The following SCFD2 variants were observed in gnomAD, a reference collection of about 807,000 sequenced individuals.
SCFD2 encodes sec1 family domain-containing protein 2.
In SCFD2, 54 loss-of-function variants were observed where a neutral mutation model predicts 58.9. The ratio of observed to expected loss-of-function variants is 0.92; its 90% CI spans 0.74 to 1.15. The LOEUF (loss-of-function observed/expected upper bound fraction) is 1.15, where lower values mean the gene tolerates loss of function less well. SCFD2 is among the 50% of genes most tolerant of loss of function. The pLI, the probability that SCFD2 is intolerant of heterozygous loss-of-function variation, is 0.00. For synonymous variants in SCFD2, 321 were observed against 335.9 expected (o/e 0.96, Z 0.49); for missense variants, 805 against 836.6 (o/e 0.96, Z 0.47).
chr4:52,974,103 C>T (rs1033952995), intron 5 of SCFD2, among the ~76,000 whole-genome samples: 19 of 152,144 alleles, frequency 1.2e-4, no homozygotes, highest in Admixed American at 2.0e-4. Context: ...CCTTTGAAAA[C>T]GGGCACAAGA....
intron 5 of SCFD2, among the ~76,000 whole-genome samples, chr4:53,049,016 G>A (rs954820098): frequency 6.6e-6 from 1 of 152,150 alleles, no homozygotes; most frequent in East Asian, 1.9e-4. Context: ...TTTTCAGCTT[G>A]TGGAGTAAAT....
chr4:53,033,750 C>G (rs1256210035), intron 5 of SCFD2, among the ~76,000 whole-genome samples: 1 of 152,132 alleles, frequency 6.6e-6, no homozygotes, highest in East Asian at 1.9e-4. Flanking sequence ...ACACAACACC[C>G]TCCCAAGTCT....
intron 3 of SCFD2, among the ~76,000 whole-genome samples, chr4:53,284,118 CAAA>C (rs561985080): frequency 4.9e-5 from 4 of 82,196 alleles, no homozygotes; most frequent in East Asian, 6.5e-4. Context: ...GACTCCATCT[CAAA>C]AAAAAAAAAA....
chr4:53,178,900 G>C (rs1397849935), intron 4 of SCFD2, among the ~76,000 whole-genome samples: 2 of 152,198 alleles, frequency 1.3e-5, no homozygotes, highest in Non-Finnish European at 2.9e-5. Flanking sequence ...CAGGGTATCA[G>C]TGATGGAAGA....
chr4:53,336,048 A>G (rs560373120), intron 2 of SCFD2, among the ~76,000 whole-genome samples: 2 of 152,220 alleles, frequency 1.3e-5, no homozygotes, highest in Admixed American at 6.5e-5. Flanking sequence ...AAAATTCTAA[A>G]TAAGAGTAAA....
intron 5 of SCFD2, among the ~76,000 whole-genome samples, chr4:53,043,200 T>C (rs1187882849): frequency 6.6e-6 from 1 of 152,086 alleles, no homozygotes; most frequent in Admixed American, 6.6e-5. Context: ...CTGAAGGCAA[T>C]AGCAAATCAG....
chr4:52,906,376 T>A (rs1476615478), intron 7 of SCFD2, among the ~76,000 whole-genome samples: 1 of 152,236 alleles, frequency 6.6e-6, no homozygotes, highest in Non-Finnish European at 1.5e-5. Flanking sequence ...GGAAACCGTG[T>A]CTAGTCTGGA....
chr4:53,028,754 AG>A (rs1477318944), intron 5 of SCFD2, among the ~76,000 whole-genome samples: 1 of 152,180 alleles, frequency 6.6e-6, no homozygotes, highest in Non-Finnish European at 1.5e-5. Context: ...TTAAGTATAA[AG>A]GGGGAGTGAC....
intron 5 of SCFD2, among the ~76,000 whole-genome samples, chr4:52,923,739 T>A (rs539404219): frequency 1.3e-5 from 2 of 152,168 alleles, no homozygotes; most frequent in Non-Finnish European, 2.9e-5. Context: ...AAAGAGTTCA[T>A]AACCAAGGCA....
chr4:53,296,062 C>T (rs1432630313), intron 3 of SCFD2, among the ~76,000 whole-genome samples: 1 of 152,160 alleles, frequency 6.6e-6, no homozygotes, highest in Admixed American at 6.5e-5. Context: ...ACGATTTTCA[C>T]ATCAATGTTC....
intron 3 of SCFD2, among the ~76,000 whole-genome samples, chr4:53,302,845 T>A (rs944304674): frequency 1.3e-5 from 2 of 152,180 alleles, no homozygotes; most frequent in African/African-American, 4.8e-5. Flanking sequence ...AAACAAGCAA[T>A]GGGGAAAGGA....
At chr4:53,240,284 T>C (rs1319772786) in intron 4 of SCFD2, among the ~76,000 whole-genome samples, 1 of 152,236 alleles carries the variant, frequency 6.6e-6, no homozygotes, top group East Asian at 1.9e-4. Flanking sequence ...ACCATTATTT[T>C]ATGTGCTCCC....
At chr4:53,281,675 G>A (rs530127562) in intron 3 of SCFD2, among the ~76,000 whole-genome samples, 40 of 152,284 alleles carry the variant, frequency 2.6e-4, no homozygotes, top group African/African-American at 7.7e-4. Context: ...ATGCACTCAG[G>A]AAGATCACCG....
chr4:53,140,978 C>T lies in SCFD2; in HGVS notation c.1561+4355G>A, dbSNP rs529089727. Among the ~76,000 whole-genome samples, 209 of 152,126 alleles carry T rather than the reference C, an allele frequency of 1.4e-3. 2 individuals are homozygous for T. The highest frequency in any genetic ancestry group is 7.1e-3 in the Admixed American group (109 of 15,292). ...TAATGGAGGGTAGCCAATCATATAC[C>T]CAAAAGATACAGTCCTGAACTCCCT... is the stretch of plus-strand genomic sequence containing the variant. On this transcript the variant is annotated intron_variant, in intron 5 of 8. Coordinates refer to ENST00000401642, the MANE Select transcript of SCFD2 (RefSeq NM_152540.4).
At chr4:53,053,486 A>G (rs1190144852) in intron 5 of SCFD2, among the ~76,000 whole-genome samples, 1 of 152,172 alleles carries the variant, frequency 6.6e-6, no homozygotes, top group Non-Finnish European at 1.5e-5. Flanking sequence ...ATCACAGCCT[A>G]TAGGATAAGG....
At chr4:52,974,341 T>G (rs1721194250) in intron 5 of SCFD2, among the ~76,000 whole-genome samples, 1 of 152,176 alleles carries the variant, frequency 6.6e-6, no homozygotes, top group Non-Finnish European at 1.5e-5. Flanking sequence ...ACAAAATCAA[T>G]GTGCAAAAAT....
At chr4:53,010,350 T>C (rs12643705) in intron 5 of SCFD2, among the ~76,000 whole-genome samples, 52,961 of 152,196 alleles carry the variant, frequency 0.35, 10,315 homozygotes, top group Admixed American at 0.48. Flanking sequence ...TTCTTCAAGA[T>C]ACGACAAAAA....
At chr4:53,094,540 C>G (rs1724563298) in intron 5 of SCFD2, among the ~76,000 whole-genome samples, 1 of 152,056 alleles carries the variant, frequency 6.6e-6, no homozygotes, top group Non-Finnish European at 1.5e-5. Flanking sequence ...TCTCCAAATA[C>G]AGTTCCATTT....
chr4:53,013,052 G>A (rs763869148), intron 5 of SCFD2, among the ~76,000 whole-genome samples: 28 of 152,148 alleles, frequency 1.8e-4, no homozygotes, highest in Admixed American at 1.3e-3. Context: ...TCCAAATGGC[G>A]GCCTCACTGA....
Sources: gnomAD v4.1 joint callset for allele counts (sites outside exome capture counted in the v4.1 genomes callset) on GRCh38, gnomAD v4.1.1 for gene constraint, MANE v1.5 for transcripts, NCBI Gene and HGNC (gene_info 2026-07-23, HGNC 2026-07-21) for gene names.